SLC35F3: variants seen among roughly 807,000 people sequenced by gnomAD.
SLC35F3 encodes solute carrier family 35 member F3.
In SLC35F3, 25 loss-of-function variants were observed where a neutral mutation model predicts 49.9. The ratio of observed to expected loss-of-function variants is 0.50; its 90% confidence interval spans 0.37 to 0.70. The LOEUF is 0.70. Among genes scored for constraint, SLC35F3 ranks in the 30% least tolerant of loss-of-function variants. The probability of loss-of-function intolerance (pLI) is 0.00; values close to 1 mark genes in which losing one functional copy is unlikely to be tolerated. For missense variants in SLC35F3, 525 were observed against 639.8 expected, an observed-to-expected ratio of 0.82 and a Z score of 1.94; for synonymous variants, 275 against 265.4, an observed-to-expected ratio of 1.04 and a Z score of -0.35.
At chr1:234,129,769 C>T (rs1425345207) in intron 2 of SLC35F3, among the ~76,000 whole-genome samples, 1 of 152,186 alleles carries the variant, frequency 6.6e-6, no homozygotes, top group Non-Finnish European at 1.5e-5. Flanking sequence ...TCCACACCTG[C>T]ACTCACTTGA....
intron 2 of SLC35F3, among the ~76,000 whole-genome samples, chr1:234,032,151 A>T (rs1664073735): frequency 6.6e-6 from 1 of 152,040 alleles, no homozygotes; most frequent in South Asian, 2.1e-4. Flanking sequence ...AAAAAATAAG[A>T]GTTGAGCTAT....
At chr1:234,099,439 G>A (rs749201078) in intron 2 of SLC35F3, among the ~76,000 whole-genome samples, 10 of 151,934 alleles carry the variant, frequency 6.6e-5, no homozygotes, top group African/African-American at 1.4e-4. Flanking sequence ...GTGAAACCTC[G>A]TCTCTACTAA....
At chr1:233,993,080 A>G (rs985654326) in intron 2 of SLC35F3, among the ~76,000 whole-genome samples, 6 of 152,142 alleles carry the variant, frequency 3.9e-5, no homozygotes, top group Admixed American at 2.0e-4. Context: ...ACTGACTTCC[A>G]TGGAAGAAAA....
intron 2 of SLC35F3, among the ~76,000 whole-genome samples, chr1:234,030,785 TC>T (rs1664050708): frequency 6.6e-6 from 1 of 152,230 alleles, no homozygotes; most frequent in Non-Finnish European, 1.5e-5. Context: ...ACATCATGTA[TC>T]AATCCATAGA....
chr1:233,934,000 C>T (rs374534264), intron 2 of SLC35F3, among the ~76,000 whole-genome samples: 7 of 152,206 alleles, frequency 4.6e-5, no homozygotes, highest in African/African-American at 1.7e-4. Context: ...GTTTTCTACT[C>T]TATTAGCACA....
chr1:234,298,343 A>G (rs1668637576), intron 3 of SLC35F3, among the ~76,000 whole-genome samples: 1 of 152,234 alleles, frequency 6.6e-6, no homozygotes, highest in Admixed American at 6.5e-5. Context: ...ATCTTCCCCC[A>G]TATTTACCTT....
At chr1:233,930,594 A>G (rs79237156) in intron 2 of SLC35F3, among the ~76,000 whole-genome samples, 4,423 of 152,270 alleles carry the variant, frequency 0.029, 194 homozygotes, top group African/African-American at 0.1. Flanking sequence ...TTCTTTATAT[A>G]GTAAAAAACT....
chr1:234,295,888 C>T (rs922880991), intron 3 of SLC35F3, among the ~76,000 whole-genome samples: 6 of 152,166 alleles, frequency 3.9e-5, no homozygotes, highest in Non-Finnish European at 8.8e-5. Context: ...AGTCTGAGTT[C>T]CAACTTCTTT....
intron 3 of SLC35F3, among the ~76,000 whole-genome samples, chr1:234,292,904 C>T (rs373353937): frequency 6.6e-6 from 1 of 152,196 alleles, no homozygotes; most frequent in African/African-American, 2.4e-5. Context: ...ATTTGAATCT[C>T]ATATTCACTG....
At chr1:234,275,764 ATAT>A (rs1274473933) in intron 3 of SLC35F3, among the ~76,000 whole-genome samples, 3 of 101,064 alleles carry the variant, frequency 3.0e-5, no homozygotes, top group African/African-American at 1.1e-4. Context: ...AAAAAAAAAA[ATAT>A]ATATATATAT....
At chr1:234,185,338 C>T (rs963168897) in intron 2 of SLC35F3, among the ~76,000 whole-genome samples, 4 of 152,270 alleles carry the variant, frequency 2.6e-5, no homozygotes, top group Non-Finnish European at 4.4e-5. Flanking sequence ...TGTCTGAAGC[C>T]AATCGCATTG....
intron 2 of SLC35F3, among the ~76,000 whole-genome samples, chr1:234,045,600 C>T (rs895741989): frequency 6.6e-6 from 1 of 152,100 alleles, no homozygotes; most frequent in Non-Finnish European, 1.5e-5. Context: ...TAACCACATG[C>T]TGTATACCTA....
intron 2 of SLC35F3, among the ~76,000 whole-genome samples, chr1:234,030,495 A>G (rs1166448991): frequency 6.6e-6 from 1 of 152,152 alleles, no homozygotes; most frequent in African/African-American, 2.4e-5. Context: ...GAATATGCAA[A>G]ACTCTTTTCA....
intron 3 of SLC35F3, among the ~76,000 whole-genome samples, chr1:234,255,224 A>T (rs1218668314): frequency 6.6e-6 from 1 of 152,194 alleles, no homozygotes. Flanking sequence ...ACCAAAGATG[A>T]TATACAGACA....
intron 2 of SLC35F3, among the ~76,000 whole-genome samples, chr1:234,009,555 G>T (rs1029033563): frequency 1.3e-5 from 2 of 152,082 alleles, no homozygotes; most frequent in African/African-American, 4.8e-5. Flanking sequence ...TATCTCAGGG[G>T]GTTATAATGT....
chr1:233,987,037 A>G (rs1286141080), intron 2 of SLC35F3, among the ~76,000 whole-genome samples: 1 of 152,200 alleles, frequency 6.6e-6, no homozygotes, highest in African/African-American at 2.4e-5. Context: ...TTTTAATCCC[A>G]GCACTTTGAG....
At chr1:234,098,886 T>C (rs373205708) in intron 2 of SLC35F3, among the ~76,000 whole-genome samples, 6 of 146,816 alleles carry the variant, frequency 4.1e-5, no homozygotes, top group Non-Finnish European at 7.5e-5. Context: ...GACGGTGTTA[T>C]AGGGTGATGG....
intron 2 of SLC35F3, among the ~76,000 whole-genome samples, chr1:234,208,813 A>G (rs569292194): frequency 6.6e-6 from 1 of 152,300 alleles, no homozygotes; most frequent in South Asian, 2.1e-4. Context: ...CCAGACTACC[A>G]TAAATTGTCA....
rs368655564 is a variant in SLC35F3, at chr1:234,231,769, C to A, written c.608+28C>A. ...AGGCGCGTCCTGCATGAGGAGGCCT[C>A]CTGACCCCGGGCTGCTCCATCCAGC... On this transcript the variant is annotated intron_variant, in intron 3 of 7. Transcript: ENST00000366618. The surrounding 1 kb of genome is among the most constrained non-coding windows in gnomAD (Gnocchi z 5.4). 4 of 1,570,462 alleles carry A rather than the reference C, an allele frequency of 2.5e-6. No homozygotes were observed. In the African/African-American group the frequency reaches 5.4e-5, roughly 21 times the overall value.
Sources: allele counts gnomAD v4.1 joint callset (sites outside exome capture counted in the v4.1 genomes callset), GRCh38; gene constraint gnomAD v4.1.1; non-coding constraint Gnocchi (gnomAD v3.1); transcripts MANE v1.5; gene names NCBI Gene and HGNC (gene_info 2026-07-23, HGNC 2026-07-21).